UNC13C: variants seen among roughly 807,000 people sequenced by gnomAD.
UNC13C encodes unc-13 homolog C.
In UNC13C, 174 loss-of-function variants were observed where a neutral mutation model predicts 245.4. The ratio of observed to expected loss-of-function variants is 0.71; its 90% CI spans 0.63 to 0.80. UNC13C has a LOEUF of 0.80. UNC13C is among the 30% of genes least tolerant of loss of function. The pLI is 0.00. For synonymous variants in UNC13C, 992 were observed against 895.1 expected (o/e 1.11, Z -1.93); for missense variants, 2,829 against 2,602.9 (o/e 1.09, Z -1.89).
intron 19 of UNC13C, among the ~76,000 whole-genome samples, chr15:54,448,681 A>G (rs1393428241): frequency 2.0e-5 from 3 of 152,002 alleles, no homozygotes; most frequent in Non-Finnish European, 4.4e-5. Context: ...TGCACGTGTG[A>G]TGGGTTTCCT....
intron 19 of UNC13C, among the ~76,000 whole-genome samples, chr15:54,419,849 C>A (rs115706436): frequency 6.6e-6 from 1 of 152,008 alleles, no homozygotes; most frequent in Non-Finnish European, 1.5e-5. Flanking sequence ...TCTGTGTTGT[C>A]GTGAATACAG....
At chr15:54,541,745 T>C (rs1896256004) in intron 26 of UNC13C, among the ~76,000 whole-genome samples, 1 of 152,132 alleles carries the variant, frequency 6.6e-6, no homozygotes, top group Non-Finnish European at 1.5e-5. Flanking sequence ...ATAGCTTGTA[T>C]AGGTATTATA....
At chr15:54,407,119 T>C (rs1184042445) in intron 18 of UNC13C, among the ~76,000 whole-genome samples, 18 of 152,202 alleles carry the variant, frequency 1.2e-4, no homozygotes, top group Admixed American at 1.1e-3. Flanking sequence ...AAGCAATTTA[T>C]GGTTTTAAAG....
intron 17 of UNC13C, among the ~76,000 whole-genome samples, chr15:54,349,307 C>G (rs1197035095): frequency 6.6e-6 from 1 of 151,288 alleles, no homozygotes; most frequent in African/African-American, 2.4e-5. Flanking sequence ...TATGAAAATT[C>G]AGAGCCTGAA....
the UNC13C span, chr15:53,913,025 C>A: frequency 6.6e-6 from 1 of 152,254 alleles, no homozygotes; most frequent in African/African-American, 2.4e-5. Flanking sequence ...ATTGACATTG[C>A]TCCAGAGAGC....
chr15:53,991,638 G>T (rs1254375944), intron 1 of UNC13C, among the ~76,000 whole-genome samples: 3 of 151,976 alleles, frequency 2.0e-5, no homozygotes, highest in South Asian at 4.1e-4. Flanking sequence ...CTGTGGAGCA[G>T]TGTGCATCTT....
rs566935250 is a variant in UNC13C, at chr15:54,174,657, T to A, written c.3071+30973T>A. Among the ~76,000 whole-genome samples, 8 of 152,318 alleles carry A rather than the reference T, an allele frequency of 5.3e-5. No homozygotes were observed. In the South Asian group the frequency reaches 1.7e-3, roughly 32 times the overall value. On this transcript the variant is annotated intron_variant, in intron 4 of 32. Transcript: ENST00000260323. ...ATGATTCTATCTTAATCATAAATTG[T>A]TAAACAAGCAAAGCAAAACGAAGCC...
intron 24 of UNC13C, among the ~76,000 whole-genome samples, chr15:54,521,943 G>A (rs1034163873): frequency 1.3e-5 from 2 of 152,162 alleles, no homozygotes; most frequent in Non-Finnish European, 2.9e-5. Flanking sequence ...GGATAGAAAA[G>A]TATGAACAAG....
At chr15:54,296,919 C>T (rs62012000) in intron 11 of UNC13C, among the ~76,000 whole-genome samples, 21,758 of 152,174 alleles carry the variant, frequency 0.14, 1,786 homozygotes, top group African/African-American at 0.21. Context: ...CAGTTTATAC[C>T]GAACACGTAC....
chr15:54,275,066 A>C (rs2036797179), intron 10 of UNC13C, among the ~76,000 whole-genome samples: 1 of 152,170 alleles, frequency 6.6e-6, no homozygotes, highest in Non-Finnish European at 1.5e-5. Flanking sequence ...AAGATGATAG[A>C]CTAAAACTTA....
chr15:54,511,815 C>T lies in UNC13C; in HGVS notation c.5442C>T (p.Ser1814=), dbSNP rs1347070974. ...LRVQLEKMFE[S]MGGKELDSEA... The stretch of plus-strand genomic sequence containing the variant: ...TCCAGCTGGAAAAAATGTTTGAATC[C>T]ATGGGAGGGAAGGAGGTGGGTATCT... Residue 1814 remains serine (S), a synonymous_variant, in exon 24 of 33, where the codon TCC becomes TCT. Coordinates refer to ENST00000260323, the MANE Select transcript of UNC13C (RefSeq NM_001080534.3). 1.9e-6 allele frequency: 3 copies of T among 1,608,272 alleles called. No individual in the cohort carries two copies. Among genetic ancestry groups the T allele is most frequent in the Non-Finnish European group, 2.5e-6 (3 of 1,177,054 alleles).
intron 19 of UNC13C, among the ~76,000 whole-genome samples, chr15:54,439,854 A>G (rs1890421690): frequency 6.6e-6 from 1 of 151,912 alleles, no homozygotes; most frequent in East Asian, 1.9e-4. Context: ...GACCATTCTC[A>G]CACTACTCTG....
intron 19 of UNC13C, among the ~76,000 whole-genome samples, chr15:54,433,513 G>A (rs1428213447): frequency 1.3e-5 from 2 of 151,972 alleles, no homozygotes; most frequent in South Asian, 2.1e-4. Flanking sequence ...TGCAGAAAAG[G>A]ACTTCAATAA....
rs552790620 is a variant in UNC13C at position 54,212,005 on chromosome 15, T to C, written c.3072-23025T>C. Among the ~76,000 whole-genome samples, 8 of 152,196 alleles carry C rather than the reference T, an allele frequency of 5.3e-5. 1 individual carries two copies. In the South Asian group the frequency reaches 1.5e-3, roughly 28 times the overall value. On this transcript the variant is annotated intron_variant, in intron 4 of 32. Coordinates refer to ENST00000260323, the MANE Select transcript of UNC13C (RefSeq NM_001080534.3). ...CCATTTATTTTATATGGGGTCCTAA[T>C]TGTCAGTAGCTCAGATGCTTTAGCT...
chr15:54,375,235 A>G (rs1409437087), intron 17 of UNC13C, among the ~76,000 whole-genome samples: 3 of 152,238 alleles, frequency 2.0e-5, no homozygotes, highest in Admixed American at 2.0e-4. Context: ...CAGTGCCTCA[A>G]CTGTATCAAA....
chr15:53,862,680 G>C, the UNC13C span, among the ~76,000 whole-genome samples: 7 of 152,042 alleles, frequency 4.6e-5, no homozygotes, highest in Non-Finnish European at 8.8e-5. Context: ...GACTGTTCTG[G>C]TTGCTACTAG....
the UNC13C span, among the ~76,000 whole-genome samples, chr15:53,877,760 A>G: frequency 4.6e-5 from 7 of 152,178 alleles, no homozygotes; most frequent in Admixed American, 4.6e-4. Context: ...TATCCGTGTA[A>G]ACAATACCTA....
chr15:53,906,558 C>T, the UNC13C span, among the ~76,000 whole-genome samples: 1 of 152,180 alleles, frequency 6.6e-6, no homozygotes, highest in African/African-American at 2.4e-5. Flanking sequence ...ATGGAACTGT[C>T]AGTCAGGATG....
intron 19 of UNC13C, among the ~76,000 whole-genome samples, chr15:54,466,205 T>C (rs1237658496): frequency 6.6e-6 from 1 of 151,662 alleles, no homozygotes; most frequent in East Asian, 1.9e-4. Flanking sequence ...GAAAGAGAGG[T>C]TGGTTAATGG....
Sources: gnomAD v4.1 joint callset for allele counts (sites outside exome capture counted in the v4.1 genomes callset) on GRCh38, gnomAD v4.1.1 for gene constraint, MANE v1.5 for transcripts, NCBI Gene and HGNC (gene_info 2026-07-23, HGNC 2026-07-21) for gene names.